The following DPP10 variants were observed in gnomAD, a reference collection of about 807,000 sequenced individuals.
DPP10 encodes the protein inactive dipeptidyl peptidase 10.
DPP10 carries 33 observed loss-of-function variants against 120.9 expected under a neutral mutation model. The ratio of observed to expected loss-of-function variants is 0.27; its 90% CI spans 0.21 to 0.37. The LOEUF is 0.37. DPP10 is among the 10% of genes least tolerant of loss of function. The probability of loss-of-function intolerance (pLI) is 1.00; values close to 1 mark genes in which losing one functional copy is unlikely to be tolerated. For missense variants in DPP10, 816 were observed against 942.8 expected, an observed-to-expected ratio of 0.87 and a Z score of 1.76; for synonymous variants, 337 against 326.1, an observed-to-expected ratio of 1.03 and a Z score of -0.36.
intron 4 of DPP10, among the ~76,000 whole-genome samples, chr2:115,521,420 C>T (rs1220541944): frequency 2.0e-5 from 3 of 152,140 alleles, no homozygotes; most frequent in Non-Finnish European, 2.9e-5. Context: ...GGCTATCCTT[C>T]AGGAGCGATA....
intron 3 of DPP10, among the ~76,000 whole-genome samples, chr2:115,436,401 T>A (rs2071495244): frequency 3.7e-5 from 1 of 26,730 alleles, no homozygotes; most frequent in Admixed American, 2.9e-4. Flanking sequence ...TGCAAAAAGA[T>A]TTTTTTTTTA....
intron 1 of DPP10, among the ~76,000 whole-genome samples, chr2:114,480,926 A>G (rs1391068862): frequency 1.3e-5 from 2 of 152,010 alleles, no homozygotes; most frequent in Non-Finnish European, 2.9e-5. Flanking sequence ...GTGGACATCT[A>G]TAGACAAAAA....
At chr2:115,004,059 T>G (rs780090565) in intron 1 of DPP10, among the ~76,000 whole-genome samples, 3 of 152,180 alleles carry the variant, frequency 2.0e-5, no homozygotes, top group African/African-American at 4.8e-5. Flanking sequence ...GAAACTGCAC[T>G]TCGTATCGAA....
intron 1 of DPP10, among the ~76,000 whole-genome samples, chr2:115,026,626 C>T (rs1206690091): frequency 2.0e-5 from 3 of 152,154 alleles, no homozygotes; most frequent in Non-Finnish European, 4.4e-5. Flanking sequence ...ACCTCTGCCT[C>T]CTGTGTTCAA....
intron 1 of DPP10, among the ~76,000 whole-genome samples, chr2:114,846,615 G>C (rs1238498129): frequency 6.6e-6 from 1 of 151,004 alleles, no homozygotes; most frequent in Non-Finnish European, 1.5e-5. Context: ...AGGATTTGAA[G>C]TTGGCCAAAG....
intron 1 of DPP10, among the ~76,000 whole-genome samples, chr2:114,722,322 T>C (rs1449161613): frequency 6.6e-6 from 1 of 152,198 alleles, no homozygotes. Context: ...GGCCTCATGC[T>C]TTTTACAGAT....
At chr2:115,759,701 A>G (rs1679864730) in intron 11 of DPP10, among the ~76,000 whole-genome samples, 2 of 49,608 alleles carry the variant, frequency 4.0e-5, no homozygotes, top group Non-Finnish European at 4.1e-5. Flanking sequence ...ATATACACAT[A>G]TACATTCATA....
intron 1 of DPP10, among the ~76,000 whole-genome samples, chr2:115,210,847 C>T (rs2056464090): frequency 1.3e-5 from 2 of 152,014 alleles, no homozygotes. Context: ...ATATCCTTCG[C>T]CCACTTTTTG....
intron 4 of DPP10, among the ~76,000 whole-genome samples, chr2:115,502,744 A>G (rs549741512): frequency 8.5e-5 from 13 of 152,194 alleles, no homozygotes; most frequent in Admixed American, 4.6e-4. Context: ...CCAGGCTGGG[A>G]TGCAGTGGTG....
chr2:115,046,904 A>G (rs1705112180), intron 1 of DPP10, among the ~76,000 whole-genome samples: 1 of 152,006 alleles, frequency 6.6e-6, no homozygotes, highest in African/African-American at 2.4e-5. Flanking sequence ...CATTTCCTAA[A>G]CATAATTGCA....
At chr2:115,800,848 T>C (rs1300239771) in intron 19 of DPP10, among the ~76,000 whole-genome samples, 1 of 152,070 alleles carries the variant, frequency 6.6e-6, no homozygotes, top group Non-Finnish European at 1.5e-5. Context: ...CCTTGTAGTA[T>C]AGTTTGAAGT....
intron 1 of DPP10, among the ~76,000 whole-genome samples, chr2:115,243,284 G>A (rs1220296362): frequency 6.6e-6 from 1 of 152,034 alleles, no homozygotes; most frequent in Non-Finnish European, 1.5e-5. Flanking sequence ...GGGTGATTTC[G>A]ATGGGCCCAT....
intron 1 of DPP10, among the ~76,000 whole-genome samples, chr2:115,154,490 G>A (rs2051765049): frequency 6.6e-6 from 1 of 151,910 alleles, no homozygotes. Flanking sequence ...GATATTCAGA[G>A]GAATATCAAG....
chr2:114,532,683 A>T (rs1037782373), intron 1 of DPP10, among the ~76,000 whole-genome samples: 1 of 152,160 alleles, frequency 6.6e-6, no homozygotes, highest in Non-Finnish European at 1.5e-5. Context: ...TAGTTTTGAA[A>T]TTTGAATAGC....
At chr2:114,846,356 A>G (rs1206961673) in intron 1 of DPP10, among the ~76,000 whole-genome samples, 7 of 152,154 alleles carry the variant, frequency 4.6e-5, no homozygotes, top group Non-Finnish European at 1.0e-4. Context: ...TTCCAGAGGA[A>G]GACTATGGGG....
At chr2:114,513,540 A>G (rs940936493) in intron 1 of DPP10, among the ~76,000 whole-genome samples, 8 of 150,812 alleles carry the variant, frequency 5.3e-5, no homozygotes, top group African/African-American at 1.5e-4. Context: ...AAAAAAAAAA[A>G]AAAGAAACTA....
intron 1 of DPP10, among the ~76,000 whole-genome samples, chr2:114,454,510 C>T (rs1484008568): frequency 1.3e-5 from 2 of 152,182 alleles, no homozygotes; most frequent in Non-Finnish European, 2.9e-5. Context: ...TGAGTGTCTC[C>T]TAACTCTCAG....
chr2:115,777,762 T>C, intron 14 of DPP10, 25 bp from the exon 15 acceptor site: 1 of 1,612,538 alleles, frequency 6.2e-7, no homozygotes. Flanking sequence ...TGTCTAATGC[T>C]TGTGTTGTTT....
In DPP10 at chr2:115,204,742, G is replaced by A. The variant is rs192519689; in HGVS notation, c.61-104497G>A. ...CTGTCAGATAGTGACAGCTCCTCCC[G>A]TGGGGAGCAGTGAATACATGAGTGA... On this transcript the variant is annotated intron_variant, in intron 1 of 25. Coordinates refer to ENST00000410059, the MANE Select transcript of DPP10 (RefSeq NM_020868.6). Among the ~76,000 whole-genome samples the A allele has an allele frequency of 1.9e-4, 29 of 152,258 alleles. No individual in the cohort carries two copies. In the South Asian group the frequency reaches 5.0e-3, roughly 26 times the overall value.
Sources: gnomAD v4.1 joint callset for allele counts (sites outside exome capture counted in the v4.1 genomes callset) on GRCh38, gnomAD v4.1.1 for gene constraint, MANE v1.5 for transcripts, NCBI Gene and HGNC (gene_info 2026-07-23, HGNC 2026-07-21) for gene names.